Variants in TEAD4 observed in about 807,000 individuals in gnomAD.
The protein encoded by TEAD4 is transcriptional enhancer factor TEF-3.
TEAD4 carries 36 observed loss-of-function variants against 52.4 expected under a neutral mutation model. The ratio of observed to expected loss-of-function variants is 0.69; its 90% CI spans 0.53 to 0.91. The LOEUF (loss-of-function observed/expected upper bound fraction) is 0.91, where lower values mean the gene tolerates loss of function less well. Ranked by LOEUF, TEAD4 falls within the 40% of genes least tolerant of loss-of-function variation. TEAD4 has a pLI of 0.00. For missense variants in TEAD4, 508 were observed against 583.9 expected (o/e 0.87, Z 1.34); for synonymous variants, 220 against 231.0 (o/e 0.95, Z 0.43).
rs1472848793 is a variant in TEAD4 at position 2,964,291 on chromosome 12, T to C, written c.-30+4251T>C. On this transcript the variant is annotated intron_variant, in intron 2 of 12. Coordinates refer to ENST00000359864, the MANE Select transcript of TEAD4 (RefSeq NM_003213.4). ...GCCCCTGAGATGTCTTTGCGAATCA[T>C]CCTGGCTGGGATAAAAGGCTGGTGT... 2.0e-5 allele frequency among the ~76,000 whole-genome samples: 3 copies of C among 152,294 alleles called. No homozygotes were observed. The East Asian group carries it at 5.8e-4, about 29-fold the overall frequency.
At position 3,018,279 on chromosome 12, in the gene TEAD4, G is replaced by A. The variant is rs149619177; in HGVS notation, c.484-266G>A. Among the ~76,000 whole-genome samples, 396 of 152,344 alleles carry A rather than the reference G, an allele frequency of 2.6e-3. 1 individual carries two copies. Among genetic ancestry groups the A allele is most frequent in the Non-Finnish European group, 4.6e-3 (315 of 68,030 alleles). On this transcript the variant is annotated intron_variant, in intron 6 of 12. Transcript: ENST00000359864. ...CTTTTCTGAGCCTTAGGTCTGCACTGTGACTCTGCAGGAGTTGCCCTGTGC... is the reference window on the plus strand; with the variant it reads ...CTTTTCTGAGCCTTAGGTCTGCACTATGACTCTGCAGGAGTTGCCCTGTGC...
Position 2,994,610 on chromosome 12 carries a change from G to C in TEAD4, c.-29-128G>C. The C allele has an allele frequency of 3.9e-6, 5 of 1,272,532 alleles. No homozygotes were observed. The highest frequency in any genetic ancestry group is 4.2e-6 in the Non-Finnish European group (4 of 953,582). 78.8% of individuals were successfully genotyped at this position (1,272,532 alleles called of 1,614,324 possible). On this transcript the variant is annotated intron_variant, in intron 2 of 12. Transcript: ENST00000359864. This position sits in a 1 kb window ranked among gnomAD's most constrained non-coding sequence, Gnocchi z 4.7. Reference sequence around the variant, plus strand: ...CAAGACCCCAGGCCTGATTCTCACAGATCTTTCACTTCACGCTTTGCTTCC... The same window carrying C: ...CAAGACCCCAGGCCTGATTCTCACACATCTTTCACTTCACGCTTTGCTTCC...
chr12:3,021,351 C>T (rs922462185), intron 9 of TEAD4, among the ~76,000 whole-genome samples: 2 of 150,658 alleles, frequency 1.3e-5, no homozygotes, highest in East Asian at 1.9e-4. Flanking sequence ...ACTCTGTCAC[C>T]CAGGCTGGGA....
chr12:2,974,724 G>T (rs749865079), intron 2 of TEAD4, among the ~76,000 whole-genome samples: 3 of 152,142 alleles, frequency 2.0e-5, no homozygotes, highest in Non-Finnish European at 4.4e-5. Context: ...CCAGGGCAGG[G>T]CGTGCACCGA....
chr12:3,003,063 C>T (rs367609515), intron 3 of TEAD4, among the ~76,000 whole-genome samples: 1 of 152,164 alleles, frequency 6.6e-6, no homozygotes, highest in Non-Finnish European at 1.5e-5. Flanking sequence ...CGCTTCCAGG[C>T]CATTGGGGAT....
intron 2 of TEAD4, among the ~76,000 whole-genome samples, chr12:2,968,961 G>A (rs1027760373): frequency 6.6e-6 from 1 of 151,662 alleles, no homozygotes; most frequent in African/African-American, 2.4e-5. Flanking sequence ...GGGCCTGTGA[G>A]TGTCTTAACA....
At chr12:3,034,493 G>C (rs946562954) in intron 10 of TEAD4, among the ~76,000 whole-genome samples, 4 of 152,158 alleles carry the variant, frequency 2.6e-5, no homozygotes, top group Non-Finnish European at 5.9e-5. Context: ...GGGTAATAGA[G>C]GGGGATCTGC....
At chr12:2,992,357 C>T (rs1238959107) in intron 2 of TEAD4, among the ~76,000 whole-genome samples, 1 of 152,106 alleles carries the variant, frequency 6.6e-6, no homozygotes, top group Non-Finnish European at 1.5e-5. Context: ...AACCTCTTTC[C>T]CACTGCATGT....
chr12:3,020,378 G>C (rs1215178017), intron 8 of TEAD4, among the ~76,000 whole-genome samples: 1 of 81,162 alleles, frequency 1.2e-5, no homozygotes, highest in African/African-American at 2.8e-5. Flanking sequence ...ATCCAGTCTT[G>C]CTCGGCGGTT....
intron 2 of TEAD4, among the ~76,000 whole-genome samples, chr12:2,981,591 C>G (rs2098234156): frequency 6.6e-6 from 1 of 152,200 alleles, no homozygotes; most frequent in Non-Finnish European, 1.5e-5. Flanking sequence ...TCTCCCATCC[C>G]CATCTGAAGT....
In TEAD4 at chr12:2,959,928, A is replaced by T. The variant is rs1466488172; in HGVS notation, c.-122-20A>T. The T allele has an allele frequency of 1.3e-5, 2 of 152,060 alleles. No individual in the cohort carries two copies. The highest frequency in any genetic ancestry group is 2.9e-5 in the Non-Finnish European group (2 of 68,028). The allele number at this position is 152,060 out of a possible 1,614,324, so 9.4% of individuals were successfully genotyped here. On this transcript the variant is annotated intron_variant, in intron 1 of 12. Coordinates refer to ENST00000359864, the MANE Select transcript of TEAD4 (RefSeq NM_003213.4). This position sits in a 1 kb window ranked among gnomAD's most constrained non-coding sequence, Gnocchi z 5.1. ...GGCCGGAGCCCGGCTCTGCGCGCTG[A>T]CGCCCTGTCGTCCCCGCAGAACGAT...
chr12:3,021,794 CT>C, intron 9 of TEAD4, 49 bp from the exon 10 acceptor site: 1 of 1,586,164 alleles, frequency 6.3e-7, no homozygotes, highest in Non-Finnish European at 8.6e-7. Context: ...GGTTGTCTGT[CT>C]GACCGTCTGG....
At chr12:2,968,385 C>CA (rs1373151339) in intron 2 of TEAD4, among the ~76,000 whole-genome samples, 9 of 55,046 alleles carry the variant, frequency 1.6e-4, no homozygotes, top group Non-Finnish European at 2.5e-4. Context: ...CGCGCCCGGC[C>CA]TTTTTTTTTT....
chr12:2,964,339 A>T (rs1591550162), intron 2 of TEAD4, among the ~76,000 whole-genome samples: 1 of 152,016 alleles, frequency 6.6e-6, no homozygotes, highest in Non-Finnish European at 1.5e-5. Context: ...GCTGGTCTCC[A>T]CCTTGGCTGT....
chr12:2,963,513 G>C (rs1443596686), intron 2 of TEAD4, among the ~76,000 whole-genome samples: 2 of 152,222 alleles, frequency 1.3e-5, no homozygotes, highest in Non-Finnish European at 2.9e-5. Flanking sequence ...CCAGTAAAGG[G>C]GGGTGAGGGG....
chr12:3,028,425 A>G (rs2098273385), intron 10 of TEAD4, among the ~76,000 whole-genome samples: 1 of 152,172 alleles, frequency 6.6e-6, no homozygotes, highest in Non-Finnish European at 1.5e-5. Flanking sequence ...CCTGCAGGGT[A>G]TGAGGGTATG....
At chr12:2,970,051 A>G (rs916180487) in intron 2 of TEAD4, among the ~76,000 whole-genome samples, 3 of 152,144 alleles carry the variant, frequency 2.0e-5, no homozygotes, top group East Asian at 3.8e-4. Context: ...CATAGCGAGA[A>G]CCCTGCCTCT....
chr12:3,023,219 T>C (rs1192529292), intron 10 of TEAD4, among the ~76,000 whole-genome samples: 3 of 151,948 alleles, frequency 2.0e-5, no homozygotes, highest in African/African-American at 7.3e-5. Flanking sequence ...TTGGCAGAGA[T>C]GGGAAAGGCT....
intron 2 of TEAD4, among the ~76,000 whole-genome samples, chr12:2,977,891 T>TCCGG (rs1231324833): frequency 2.0e-5 from 3 of 152,218 alleles, no homozygotes; most frequent in African/African-American, 7.2e-5. Flanking sequence ...TTTTTTGGCC[T>TCCGG]CCGGCAGGCC....
Sources: gnomAD v4.1 joint callset for allele counts (sites outside exome capture counted in the v4.1 genomes callset) on GRCh38, gnomAD v4.1.1 for gene constraint, Gnocchi (gnomAD v3.1) non-coding constraint, MANE v1.5 for transcripts, NCBI Gene and HGNC (gene_info 2026-07-23, HGNC 2026-07-21) for gene names.